B4GALT4: variants seen among roughly 807,000 people sequenced by gnomAD.
B4GALT4 encodes the protein N-acetyllactosamine synthase.
A neutral mutation model predicts 37.3 loss-of-function variants in B4GALT4; 27 were observed. The ratio of observed to expected loss-of-function variants is 0.72; its 90% confidence interval spans 0.53 to 1.00. B4GALT4 has a LOEUF of 1.00. B4GALT4 is among the 50% of genes least tolerant of loss of function. The pLI is 0.00. For missense variants in B4GALT4, 372 were observed against 413.1 expected, an observed-to-expected ratio of 0.90 and a Z score of 0.86; for synonymous variants, 148 against 154.1, an observed-to-expected ratio of 0.96 and a Z score of 0.29.
chr3:119,231,646 G>T (rs1266127152), intron 2 of B4GALT4, among the ~76,000 whole-genome samples: 1 of 150,794 alleles, frequency 6.6e-6, no homozygotes, highest in Non-Finnish European at 1.5e-5. Context: ...ATTATATTAG[G>T]AGAATGGGAT....
At chr3:119,216,928 G>C (rs955389837) in intron 6 of B4GALT4, among the ~76,000 whole-genome samples, 1 of 152,200 alleles carries the variant, frequency 6.6e-6, no homozygotes, top group Non-Finnish European at 1.5e-5. Flanking sequence ...TAATCTGCAT[G>C]GAACATGCTT....
At chr3:119,224,367 T>A in intron 4 of B4GALT4, 122 bp from the exon 5 acceptor site, 1 of 657,162 alleles carries the variant, frequency 1.5e-6, no homozygotes, top group Non-Finnish European at 2.4e-6. Flanking sequence ...ACTACACTTG[T>A]GACATAAAGA....
intron 5 of B4GALT4, among the ~76,000 whole-genome samples, chr3:119,222,549 CGT>C (rs1303463988): frequency 6.6e-6 from 1 of 152,140 alleles, no homozygotes; most frequent in Non-Finnish European, 1.5e-5. Flanking sequence ...CCAGCTGTAA[CGT>C]GTCAACAGCT....
rs149358643 is a variant in B4GALT4 at position 119,224,141 on chromosome 3, C to G, written c.591G>C (p.Leu197=). 2.1e-4 allele frequency: 332 copies of G among 1,614,100 alleles called. No individual in the cohort carries two copies. In the African/African-American group the frequency reaches 3.4e-3, roughly 17 times the overall value. Reference sequence around the variant, plus strand: ...AAAGGTTAAAGTCATTCTCGGGTACCAGGTCCACATCGTGGAATATAAAGC... The same window carrying G: ...AAAGGTTAAAGTCATTCTCGGGTACGAGGTCCACATCGTGGAATATAAAGC... ...WDCFIFHDVD[L]VPENDFNLYK... is the part of the protein sequence containing the mutation. The change falls in exon 5 of 8, where the codon CTG becomes CTC. Residue 197 remains leucine (L), a synonymous_variant. Coordinates refer to ENST00000393765, the MANE Select transcript of B4GALT4 (RefSeq NM_003778.4).
chr3:119,231,374 C>T (rs890221741), intron 2 of B4GALT4, among the ~76,000 whole-genome samples: 3 of 152,176 alleles, frequency 2.0e-5, no homozygotes, highest in African/African-American at 4.8e-5. Flanking sequence ...GGACAAATCA[C>T]GTCTCTCCTC....
At chr3:119,221,349 C>T (rs923834119) in intron 5 of B4GALT4, among the ~76,000 whole-genome samples, 5 of 152,174 alleles carry the variant, frequency 3.3e-5, no homozygotes, top group African/African-American at 1.2e-4. Context: ...AACTTCTTCC[C>T]TCTGCATGTG....
intron 3 of B4GALT4, among the ~76,000 whole-genome samples, chr3:119,229,523 T>C (rs946659168): frequency 3.3e-5 from 5 of 152,206 alleles, no homozygotes; most frequent in Admixed American, 2.0e-4. Context: ...AAAAATCTAA[T>C]GTGTAGAGTT....
At chr3:119,225,732 T>G (rs977634808) in intron 4 of B4GALT4, among the ~76,000 whole-genome samples, 2 of 152,192 alleles carry the variant, frequency 1.3e-5, no homozygotes, top group Non-Finnish European at 2.9e-5. Flanking sequence ...AACATGTTTT[T>G]CTATTCATAA....
At chr3:119,224,032 A>AGT (rs769911626) in intron 5 of B4GALT4, 26 bp downstream of exon 5, 3 of 1,588,462 alleles carry the variant, frequency 1.9e-6, no homozygotes, top group South Asian at 2.3e-5. Flanking sequence ...TCTCGACCTA[A>AGT]GCCACCCTCA....
intron 6 of B4GALT4, 112 bp from the exon 7 acceptor site, chr3:119,216,456 ACACACAC>A: frequency 2.0e-6 from 1 of 493,282 alleles, no homozygotes; most frequent in Non-Finnish European, 3.5e-6. Context: ...ACACACACAC[ACACACAC>A]ACACACACAG....
intron 5 of B4GALT4, among the ~76,000 whole-genome samples, chr3:119,220,913 G>A (rs2078431588): frequency 6.6e-6 from 1 of 151,814 alleles, no homozygotes; most frequent in African/African-American, 2.4e-5. Flanking sequence ...TTGAACCCGG[G>A]AGGTGGAAGT....
At chr3:119,239,791 A>G (rs2079093143) in intron 1 of B4GALT4, among the ~76,000 whole-genome samples, 1 of 152,128 alleles carries the variant, frequency 6.6e-6, no homozygotes, top group East Asian at 1.9e-4. Context: ...TCTAGAAGAC[A>G]AAATTCCAAA....
At chr3:119,228,850 C>A (rs1201483902) in intron 3 of B4GALT4, among the ~76,000 whole-genome samples, 2 of 138,982 alleles carry the variant, frequency 1.4e-5, no homozygotes, top group Non-Finnish European at 3.2e-5. Flanking sequence ...GGCATGAGAT[C>A]TATCTATCTC....
chr3:119,229,736 A>G (rs2078748079), intron 3 of B4GALT4, 111 bp downstream of exon 3: 6 of 1,146,086 alleles, frequency 5.2e-6, no homozygotes, highest in Non-Finnish European at 7.3e-6. Flanking sequence ...GTGACACAGG[A>G]GATATATATA....
intron 4 of B4GALT4, among the ~76,000 whole-genome samples, chr3:119,225,174 T>C (rs1171369539): frequency 6.6e-6 from 1 of 152,188 alleles, no homozygotes; most frequent in East Asian, 1.9e-4. Context: ...CTTATGGAGG[T>C]AGATTCGTCA....
At chr3:119,215,756 C>A (rs2078273520) in intron 7 of B4GALT4, 1 of 152,084 alleles carries the variant, frequency 6.6e-6, no homozygotes, top group African/African-American at 2.4e-5. Flanking sequence ...GGAGAGGGAA[C>A]CTACATATTA....
intron 5 of B4GALT4, among the ~76,000 whole-genome samples, chr3:119,223,807 C>T (rs773324376): frequency 1.8e-4 from 28 of 152,228 alleles, no homozygotes; most frequent in Non-Finnish European, 2.6e-4. Flanking sequence ...AGACTGGCCA[C>T]CACCTGCAAT....
At chr3:119,226,101 A>G (rs571473195) in intron 4 of B4GALT4, among the ~76,000 whole-genome samples, 1 of 151,404 alleles carries the variant, frequency 6.6e-6, no homozygotes, top group Admixed American at 6.5e-5. Flanking sequence ...GGCCAAGGAT[A>G]ACTGTGAAAA....
intron 1 of B4GALT4, among the ~76,000 whole-genome samples, chr3:119,237,517 AT>A (rs2079020295): frequency 6.6e-6 from 1 of 152,258 alleles, no homozygotes; most frequent in Non-Finnish European, 1.5e-5. Context: ...TCCAAAGCCA[AT>A]GGGTCAGAAC....
Sources: allele counts gnomAD v4.1 joint callset (sites outside exome capture counted in the v4.1 genomes callset), GRCh38; gene constraint gnomAD v4.1.1; transcripts MANE v1.5; gene names NCBI Gene and HGNC (gene_info 2026-07-23, HGNC 2026-07-21).